HMCN1: variants seen among roughly 807,000 people sequenced by gnomAD.
The protein encoded by HMCN1 is hemicentin-1.
HMCN1 carries 321 observed loss-of-function variants against 625.9 expected under a neutral mutation model. The observed-to-expected ratio is 0.51, with a 90% CI of 0.47 to 0.56. The LOEUF is 0.56. HMCN1 is among the 20% of genes least tolerant of loss of function. HMCN1 has a pLI of 0.00. For missense variants in HMCN1, 6,588 were observed against 6,887.3 expected, an observed-to-expected ratio of 0.96 and a Z score of 1.54; for synonymous variants, 2,425 against 2,417.6, an observed-to-expected ratio of 1.00 and a Z score of -0.09.
intron 68 of HMCN1, among the ~76,000 whole-genome samples, chr1:186,102,556 G>A (rs1042500073): frequency 3.3e-5 from 5 of 152,082 alleles, no homozygotes; most frequent in African/African-American, 1.2e-4. Context: ...CCATTTTAGA[G>A]ATTTGCTCAA....
rs1320979493 is a variant in HMCN1, at chr1:186,088,626, G to T, written c.9598G>T (p.Val3200Phe). The T allele has an allele frequency of 1.9e-6, 3 of 1,611,814 alleles. No homozygotes were observed. The highest frequency in any genetic ancestry group is 2.5e-6 in the Non-Finnish European group (3 of 1,178,728). The change falls in exon 63 of 107, where the codon GTT becomes TTT. Residue 3200 changes from valine (V) to phenylalanine (F), a missense_variant. Val to Phe is a conservative substitution (Grantham distance 50). This residue lies in a region of HMCN1 where 4,628 missense variants were observed against 4,853.1 expected (regional missense o/e 0.95). Coordinates refer to ENST00000271588, the MANE Select transcript of HMCN1 (RefSeq NM_031935.3). ...KRIENSDSLE[V>F]RILSGGSKLQ... The stretch of plus-strand genomic sequence containing the variant: ...TCTAGAAAATTCTGACTCACTGGAA[G>T]TTCGTATTTTGTCTGGAGGTAGCAA...
At chr1:185,758,122 A>C (rs1295204136) in intron 1 of HMCN1, among the ~76,000 whole-genome samples, 1 of 152,102 alleles carries the variant, frequency 6.6e-6, no homozygotes, top group African/African-American at 2.4e-5. Context: ...TGTCATTTGG[A>C]CTGTTGGCGG....
intron 93 of HMCN1, 104 bp downstream of exon 93, chr1:186,146,027 T>G: frequency 1.8e-6 from 2 of 1,122,818 alleles, no homozygotes; most frequent in Non-Finnish European, 2.5e-6. Context: ...GAGGTGGAAT[T>G]AGAAAAAAAA....
At position 186,076,597 on chromosome 1, in the gene HMCN1, A is replaced by G. The variant is rs1263923951; in HGVS notation, c.8460A>G (p.Ser2820=). ...ACAAAGATGGCCACCCTCTGACCTC[A>G]AGTGATAAAGTATTGATTTTGCCAG... ...TWYKDGHPLT[S]SDKVLILPGG... The change falls in exon 54 of 107, where the codon TCA becomes TCG. Residue 2820 remains serine (S), a synonymous_variant. Coordinates refer to ENST00000271588, the MANE Select transcript of HMCN1 (RefSeq NM_031935.3). 3.1e-6 allele frequency: 5 copies of G among 1,613,648 alleles called. No homozygotes were observed. The highest frequency in any genetic ancestry group is 4.2e-6 in the Non-Finnish European group (5 of 1,179,758).
chr1:185,810,365 A>G (rs1659436127), intron 1 of HMCN1, among the ~76,000 whole-genome samples: 1 of 152,190 alleles, frequency 6.6e-6, no homozygotes. Context: ...ATCAATGAAT[A>G]TTTTAAGTTT....
At chr1:186,188,054 C>T in intron 106 of HMCN1, 45 bp downstream of exon 106, 1 of 1,609,564 alleles carries the variant, frequency 6.2e-7, no homozygotes, top group African/African-American at 1.3e-5. Context: ...GAAAATCCTT[C>T]CTCCCACTCC....
intron 2 of HMCN1, among the ~76,000 whole-genome samples, chr1:185,855,983 G>A (rs1195276408): frequency 6.6e-6 from 1 of 152,136 alleles, no homozygotes. Flanking sequence ...TTGTCTCTCA[G>A]TACATCCCTG....
chr1:185,895,482 A>G (rs1455727186), intron 4 of HMCN1, among the ~76,000 whole-genome samples: 1 of 152,224 alleles, frequency 6.6e-6, no homozygotes, highest in Non-Finnish European at 1.5e-5. Flanking sequence ...TTGTTCTAAA[A>G]TTAAAGGTGC....
chr1:185,843,960 T>C (rs1191593352), intron 1 of HMCN1, among the ~76,000 whole-genome samples: 1 of 152,198 alleles, frequency 6.6e-6, no homozygotes, highest in Non-Finnish European at 1.5e-5. Context: ...TATTTTTTAT[T>C]ACTATAGGGA....
At position 185,860,811 on chromosome 1, in the gene HMCN1, C is replaced by T. The variant is rs989105730; in HGVS notation, c.340-3659C>T. 1.3e-4 allele frequency among the ~76,000 whole-genome samples: 20 copies of T among 152,090 alleles called. No individual in the cohort carries two copies. In the East Asian group the frequency reaches 3.7e-3, roughly 28 times the overall value. ...CAAACTCTTTCCTTTGATTATTAAC[C>T]AATATTAAGCCTCATATACATAAAG... is the stretch of plus-strand genomic sequence containing the variant. On this transcript the variant is annotated intron_variant, in intron 2 of 106. Transcript: ENST00000271588.
intron 58 of HMCN1, among the ~76,000 whole-genome samples, 158 bp downstream of exon 58, chr1:186,086,565 AT>A (rs1226742296): frequency 6.6e-6 from 1 of 152,162 alleles, no homozygotes; most frequent in Non-Finnish European, 1.5e-5. Flanking sequence ...TTAAGGTAAG[AT>A]TTTGTAGACT....
intron 12 of HMCN1, among the ~76,000 whole-genome samples, chr1:185,963,388 G>A (rs2102559751): frequency 6.6e-6 from 1 of 152,156 alleles, no homozygotes; most frequent in South Asian, 2.1e-4. Context: ...TCCACCACAT[G>A]GAGCAAGATT....
chr1:186,062,664 A>G, intron 48 of HMCN1, 64 bp downstream of exon 48: 1 of 1,067,496 alleles, frequency 9.4e-7, no homozygotes, highest in South Asian at 1.3e-5. Flanking sequence ...TGCCTCCACT[A>G]TATATCTTAA....
At chr1:185,846,170 T>A (rs1661801270) in intron 2 of HMCN1, 74 bp downstream of exon 2, 1 of 1,194,088 alleles carries the variant, frequency 8.4e-7, no homozygotes, top group Non-Finnish European at 1.2e-6. Context: ...CTTTATTTTT[T>A]AAATCTAAAA....
chr1:186,110,196 A>G (rs1388223715), intron 71 of HMCN1, among the ~76,000 whole-genome samples: 1 of 152,224 alleles, frequency 6.6e-6, no homozygotes, highest in African/African-American at 2.4e-5. Context: ...TTTAAAAAAA[A>G]GCGGCCTTTG....
rs1441307668 is a variant in HMCN1 at position 186,003,818 on chromosome 1, T to G, written c.4449T>G (p.Pro1483=). 5 of 1,613,354 alleles carry G rather than the reference T, an allele frequency of 3.1e-6. No individual in the cohort carries two copies. Among genetic ancestry groups the G allele is most frequent in the Non-Finnish European group, 4.2e-6 (5 of 1,179,446 alleles). Residue 1483 remains proline (P), a synonymous_variant, in exon 29 of 107, where the codon CCT becomes CCG. Coordinates refer to ENST00000271588, the MANE Select transcript of HMCN1 (RefSeq NM_031935.3). ...GCCAGGTCAAAGGCACTCCCTTTCC[T>G]GATATTCATTGGTTCAAAGATGGCA... The part of the protein sequence containing the change: ...LECQVKGTPF[P]DIHWFKDGKP...
rs77569901 is a variant in HMCN1 at position 186,136,044 on chromosome 1, C to T, written c.13313-624C>T. ...TGAGTTAATTAGCCAGGCGTGGTGG[C>T]GGGTGCCTGTAATCCCAGCTACTCA... On this transcript the variant is annotated intron_variant, in intron 86 of 106. Transcript: ENST00000271588. Among the ~76,000 whole-genome samples the T allele has an allele frequency of 6.4e-3, 973 of 152,142 alleles. 13 individuals carry two copies. The highest frequency in any genetic ancestry group is 0.021 in the African/African-American group (868 of 41,520).
chr1:186,098,021 C>T lies in HMCN1; in HGVS notation c.10573+2500C>T, dbSNP rs566882475. Among the ~76,000 whole-genome samples, 36 of 152,104 alleles carry T rather than the reference C, an allele frequency of 2.4e-4. No individual in the cohort carries two copies. The South Asian group carries it at 7.3e-3, about 31-fold the overall frequency. On this transcript the variant is annotated intron_variant, in intron 68 of 106. Coordinates refer to ENST00000271588, the MANE Select transcript of HMCN1 (RefSeq NM_031935.3). ...CACATGCAGAAATATGAAACTAGAC[C>T]TCTATCTTTCACTGTATACAAAAAT...
At chr1:185,997,546 A>C (rs1219574541) in intron 25 of HMCN1, 22 bp downstream of exon 25, 1 of 1,472,008 alleles carries the variant, frequency 6.8e-7, no homozygotes, top group South Asian at 1.1e-5. Context: ...TGAAAGATAT[A>C]GGCATTGGCA....
Sources: allele counts gnomAD v4.1 joint callset (sites outside exome capture counted in the v4.1 genomes callset), GRCh38; gene constraint gnomAD v4.1.1; regional missense constraint gnomAD v4.1.1; transcripts MANE v1.5; gene names NCBI Gene and HGNC (gene_info 2026-07-23, HGNC 2026-07-21).